NAV3: variants seen among roughly 807,000 people sequenced by gnomAD.
NAV3 encodes neuron navigator 3, also known as pore membrane and/or filament interacting like protein 1.
A neutral mutation model predicts 244.7 loss-of-function variants in NAV3; 87 were observed. The ratio of observed to expected loss-of-function variants is 0.36; its 90% confidence interval spans 0.30 to 0.42. The LOEUF is 0.42. NAV3 is among the 20% of genes least tolerant of loss of function. The pLI, the probability that NAV3 is intolerant of heterozygous loss-of-function variation, is 1.00. For missense variants in NAV3, 2,663 were observed against 2,893.3 expected, an observed-to-expected ratio of 0.92 and a Z score of 1.83; for synonymous variants, 1,126 against 1,042.2, an observed-to-expected ratio of 1.08 and a Z score of -1.55.
intron 2 of NAV3, among the ~76,000 whole-genome samples, chr12:77,743,400 A>T (rs1868379625): frequency 6.6e-6 from 1 of 151,892 alleles, no homozygotes; most frequent in African/African-American, 2.4e-5. Flanking sequence ...AGTCAACTGT[A>T]CAAGTTAAAC....
chr12:78,162,914 TA>T (rs1299489808), intron 23 of NAV3, among the ~76,000 whole-genome samples: 1 of 129,270 alleles, frequency 7.7e-6, no homozygotes, highest in African/African-American at 2.6e-5. Context: ...ATATATATAT[TA>T]TATAATATAT....
chr12:77,932,377 G>T (rs1451939001), intron 1 of NAV3, among the ~76,000 whole-genome samples: 1 of 152,024 alleles, frequency 6.6e-6, no homozygotes, highest in East Asian at 1.9e-4. Context: ...GCCATTCTGG[G>T]GGTCTGTGGG....
chr12:77,930,026 G>T (rs756369985), intron 1 of NAV3, among the ~76,000 whole-genome samples: 1 of 151,940 alleles, frequency 6.6e-6, no homozygotes, highest in Non-Finnish European at 1.5e-5. Context: ...AGTTCTACAG[G>T]TAAACAAACA....
intron 2 of NAV3, among the ~76,000 whole-genome samples, chr12:77,632,249 T>TA (rs35211212): frequency 6.6e-6 from 1 of 152,180 alleles, no homozygotes. Flanking sequence ...ATGTTCTTTG[T>TA]AAAAAAGTTT....
intron 1 of NAV3, among the ~76,000 whole-genome samples, chr12:77,910,797 G>A (rs943333693): frequency 1.3e-5 from 2 of 152,062 alleles, no homozygotes; most frequent in South Asian, 4.1e-4. Context: ...TAGAGACAGA[G>A]AAATAAGGTA....
At chr12:77,980,969 C>A (rs977808447) in intron 5 of NAV3, among the ~76,000 whole-genome samples, 2 of 152,058 alleles carry the variant, frequency 1.3e-5, no homozygotes, top group African/African-American at 4.8e-5. Context: ...TATTAACTGC[C>A]TGTGGAAATT....
intron 1 of NAV3, among the ~76,000 whole-genome samples, chr12:77,859,294 A>T (rs1186153403): frequency 1.3e-5 from 2 of 152,074 alleles, no homozygotes; most frequent in Non-Finnish European, 2.9e-5. Context: ...TTGCCACCTT[A>T]GATACTATAT....
intron 23 of NAV3, among the ~76,000 whole-genome samples, chr12:78,162,708 A>G (rs2139451373): frequency 6.6e-6 from 1 of 150,922 alleles, no homozygotes; most frequent in South Asian, 2.1e-4. Context: ...TACTAGAAAC[A>G]AAAATTAGCC....
At position 77,610,287 on chromosome 12, in the gene NAV3, C is replaced by T. The variant is rs74453138; in HGVS notation, c.72+38021C>T. On this transcript the variant is annotated intron_variant, in intron 2 of 8. Transcript: ENST00000550042. Reference sequence around the variant, plus strand: ...GTGCTGTCATGTAGAAAACATTTGTCGAAGTTATCTTCCTGCCGTGTCTCT... The same window carrying T: ...GTGCTGTCATGTAGAAAACATTTGTTGAAGTTATCTTCCTGCCGTGTCTCT... Among the ~76,000 whole-genome samples, 1,498 of 152,114 alleles carry T rather than the reference C, an allele frequency of 9.8e-3. 24 individuals are homozygous for T. Among genetic ancestry groups the T allele is most frequent in the African/African-American group, 0.034 (1,430 of 41,522 alleles).
chr12:77,731,592 G>A (rs936585292), intron 2 of NAV3, among the ~76,000 whole-genome samples: 13 of 151,790 alleles, frequency 8.6e-5, no homozygotes, highest in Admixed American at 3.9e-4. Flanking sequence ...TTCCATATAC[G>A]AATTCAAGAG....
intron 2 of NAV3, among the ~76,000 whole-genome samples, chr12:77,686,060 T>C (rs2246884): frequency 0.91 from 139,027 of 152,020 alleles, 63,917 homozygotes; most frequent in East Asian, 1. Flanking sequence ...ATTCCTCCTC[T>C]CCCATCATGC....
At chr12:77,691,559 G>A (rs1030464859) in intron 2 of NAV3, among the ~76,000 whole-genome samples, 8 of 150,806 alleles carry the variant, frequency 5.3e-5, no homozygotes, top group African/African-American at 1.7e-4. Flanking sequence ...AGAATGATAT[G>A]AACTTCATAG....
At chr12:77,836,943 G>A (rs895676007) in intron 1 of NAV3, among the ~76,000 whole-genome samples, 3 of 152,076 alleles carry the variant, frequency 2.0e-5, no homozygotes, top group African/African-American at 7.2e-5. Context: ...ATTTCTTGCT[G>A]TTGTGTTCAC....
intron 12 of NAV3, among the ~76,000 whole-genome samples, chr12:78,108,547 A>G (rs1279144658): frequency 6.6e-6 from 1 of 152,170 alleles, no homozygotes; most frequent in Non-Finnish European, 1.5e-5. Context: ...ATAGACCACC[A>G]TATGTTAGGC....
chr12:77,650,032 T>C (rs1306571709), intron 2 of NAV3, among the ~76,000 whole-genome samples: 1 of 152,178 alleles, frequency 6.6e-6, no homozygotes, highest in Non-Finnish European at 1.5e-5. Flanking sequence ...GTTCTTTTTG[T>C]CTTAAGTTTG....
chr12:77,868,581 C>T (rs1221255420), intron 1 of NAV3, among the ~76,000 whole-genome samples: 3 of 151,556 alleles, frequency 2.0e-5, no homozygotes, highest in African/African-American at 4.8e-5. Flanking sequence ...CATGGTGAAA[C>T]CCCATCTCTA....
chr12:78,064,426 TCTGCCTGCCTGC>T (rs1555273018), intron 12 of NAV3, among the ~76,000 whole-genome samples: 29 of 136,194 alleles, frequency 2.1e-4, no homozygotes, highest in African/African-American at 7.9e-4. Context: ...TGTCTGTCTG[TCTGCCTGCCTGC>T]CTGCCTGCCT....
intron 6 of NAV3, 40 bp downstream of exon 6, chr12:77,994,911 T>A: frequency 1.5e-6 from 2 of 1,335,862 alleles, no homozygotes; most frequent in Non-Finnish European, 2.1e-6. Context: ...ATTAGTGATA[T>A]GCAAATAAAT....
chr12:77,613,605 G>A (rs1871019104), intron 2 of NAV3, among the ~76,000 whole-genome samples: 1 of 152,128 alleles, frequency 6.6e-6, no homozygotes, highest in African/African-American at 2.4e-5. Context: ...ATTCAAGGCA[G>A]CCAGTATTCT....
Sources: gnomAD v4.1 joint callset for allele counts (sites outside exome capture counted in the v4.1 genomes callset) on GRCh38, gnomAD v4.1.1 for gene constraint, MANE v1.5 for transcripts, NCBI Gene and HGNC (gene_info 2026-07-23, HGNC 2026-07-21) for gene names.